Variants in LRMDA observed in about 807,000 individuals in gnomAD.
LRMDA encodes the protein leucine rich melanocyte differentiation associated.
Under a neutral mutation model 29.8 loss-of-function variants are expected in LRMDA, and 18 were observed. The observed-to-expected ratio is 0.60, with a 90% CI of 0.42 to 0.90. The LOEUF is 0.90. Ranked by LOEUF, LRMDA falls within the 40% of genes least tolerant of loss-of-function variation. LRMDA has a pLI of 0.00. For synonymous variants in LRMDA, 125 were observed against 109.4 expected, an observed-to-expected ratio of 1.14 and a Z score of -0.89; for missense variants, 273 against 273.9, an observed-to-expected ratio of 1.00 and a Z score of 0.02.
At chr10:75,848,313 C>A (rs1844675657) in intron 2 of LRMDA, among the ~76,000 whole-genome samples, 1 of 152,198 alleles carries the variant, frequency 6.6e-6, no homozygotes, top group East Asian at 1.9e-4. Flanking sequence ...AGGACAAATA[C>A]TGTATGATTC....
At chr10:76,112,344 C>T (rs551198649) in intron 5 of LRMDA, among the ~76,000 whole-genome samples, 81 of 152,320 alleles carry the variant, frequency 5.3e-4, no homozygotes, top group Middle Eastern at 6.8e-3. Context: ...CAGCTCCCTG[C>T]TTATCGCTAA....
chr10:76,061,303 G>A (rs1848698110), intron 5 of LRMDA, among the ~76,000 whole-genome samples: 1 of 152,130 alleles, frequency 6.6e-6, no homozygotes, highest in Admixed American at 6.5e-5. Flanking sequence ...TTACTTACAG[G>A]TAGAAGCTAA....
At chr10:75,716,186 C>T (rs1381328390) in intron 2 of LRMDA, among the ~76,000 whole-genome samples, 1 of 152,186 alleles carries the variant, frequency 6.6e-6, no homozygotes, top group African/African-American at 2.4e-5. Context: ...TTAATCTAGT[C>T]TACCTCCATT....
At chr10:75,924,796 T>A (rs112825301) in intron 2 of LRMDA, among the ~76,000 whole-genome samples, 1 of 150,116 alleles carries the variant, frequency 6.7e-6, no homozygotes, top group Non-Finnish European at 1.5e-5. Flanking sequence ...GGGAAGGAGG[T>A]GGGGGAGGCT....
chr10:75,710,596 T>C (rs1192213531), intron 2 of LRMDA, among the ~76,000 whole-genome samples: 1 of 152,220 alleles, frequency 6.6e-6, no homozygotes, highest in Non-Finnish European at 1.5e-5. Flanking sequence ...TTTTTGCTGC[T>C]GCCTTTTTCC....
At chr10:76,038,190 C>A (rs1410390387) in intron 3 of LRMDA, among the ~76,000 whole-genome samples, 1 of 152,146 alleles carries the variant, frequency 6.6e-6, no homozygotes, top group African/African-American at 2.4e-5. Context: ...AGCGGTGTGA[C>A]CTTGGACAAG....
intron 5 of LRMDA, among the ~76,000 whole-genome samples, chr10:76,205,222 C>T (rs376500721): frequency 1.3e-5 from 2 of 152,104 alleles, no homozygotes; most frequent in African/African-American, 2.4e-5. Flanking sequence ...TTGTTGGACC[C>T]GGAAGAGCAT....
At chr10:75,915,120 CTTTTTTTTTTTTT>C (rs71024579) in intron 2 of LRMDA, among the ~76,000 whole-genome samples, 11 of 75,220 alleles carry the variant, frequency 1.5e-4, no homozygotes, top group African/African-American at 2.2e-4. Flanking sequence ...GTCTAACCTT[CTTTTTTTTTTTTT>C]TTTTTTTTTT....
chr10:75,660,247 A>G (rs962923641), intron 2 of LRMDA, among the ~76,000 whole-genome samples: 2 of 152,080 alleles, frequency 1.3e-5, no homozygotes, highest in African/African-American at 4.8e-5. Context: ...TGCTGACTCT[A>G]TTTTTTCTTG....
intron 5 of LRMDA, among the ~76,000 whole-genome samples, chr10:76,105,112 C>T (rs966317554): frequency 2.6e-5 from 4 of 152,316 alleles, no homozygotes; most frequent in African/African-American, 9.6e-5. Flanking sequence ...ATCACCTTGG[C>T]AGCCAAGGGC....
At chr10:75,493,498 A>T (rs1167319771) in intron 2 of LRMDA, among the ~76,000 whole-genome samples, 1 of 152,032 alleles carries the variant, frequency 6.6e-6, no homozygotes, top group African/African-American at 2.4e-5. Flanking sequence ...GACACACAGG[A>T]TGGGCCACCA....
intron 2 of LRMDA, among the ~76,000 whole-genome samples, chr10:75,801,038 G>A (rs996602877): frequency 6.6e-6 from 1 of 152,314 alleles, no homozygotes; most frequent in Middle Eastern, 3.4e-3. Context: ...TCCTTCAGGA[G>A]TTTTCATGCA....
chr10:75,625,709 C>A (rs1478400069), intron 2 of LRMDA, among the ~76,000 whole-genome samples: 2 of 152,130 alleles, frequency 1.3e-5, no homozygotes, highest in Non-Finnish European at 2.9e-5. Context: ...TAAAATACTT[C>A]AATAGTTACT....
chr10:76,172,853 T>C (rs572681964), intron 5 of LRMDA, among the ~76,000 whole-genome samples: 5 of 152,166 alleles, frequency 3.3e-5, no homozygotes, highest in Admixed American at 6.5e-5. Context: ...AATAAAACAC[T>C]TCACAAATAT....
intron 5 of LRMDA, among the ~76,000 whole-genome samples, chr10:76,087,435 C>A (rs1421217958): frequency 6.6e-6 from 1 of 152,180 alleles, no homozygotes; most frequent in Non-Finnish European, 1.5e-5. Context: ...TTCTGCATAG[C>A]GTAAGCTTTT....
intron 2 of LRMDA, among the ~76,000 whole-genome samples, chr10:75,494,462 A>G (rs909940678): frequency 1.3e-5 from 2 of 150,508 alleles, no homozygotes; most frequent in Non-Finnish European, 1.5e-5. Flanking sequence ...GTTCAATTGC[A>G]TAGGATAGAT....
intron 6 of LRMDA, among the ~76,000 whole-genome samples, chr10:76,532,095 T>C (rs1843239993): frequency 6.6e-6 from 1 of 152,120 alleles, no homozygotes; most frequent in Non-Finnish European, 1.5e-5. Flanking sequence ...GTTACATAGG[T>C]ATACGCGTGC....
In LRMDA at chr10:76,382,984, C is replaced by A. The variant is rs181470611; in HGVS notation, c.601+58499C>A. On this transcript the variant is annotated intron_variant, in intron 6 of 6. Coordinates refer to ENST00000611255, the MANE Select transcript of LRMDA (RefSeq NM_001305581.2). ...ATTACAGTTCAGCACAGAGAAAGGA[C>A]AATTACTGTTTTTAGTGGGTTTTAT... 2.6e-5 allele frequency among the ~76,000 whole-genome samples: 4 copies of A among 152,318 alleles called. No homozygotes were observed. In the East Asian group the frequency reaches 7.7e-4, roughly 29 times the overall value.
chr10:76,322,119 G>GCACTGCC (rs1417886735), intron 5 of LRMDA, among the ~76,000 whole-genome samples: 1 of 152,202 alleles, frequency 6.6e-6, no homozygotes, highest in Non-Finnish European at 1.5e-5. Flanking sequence ...TACGATGGGT[G>GCACTGCC]TACTGCCTCA....
Sources: gnomAD v4.1 joint callset for allele counts (sites outside exome capture counted in the v4.1 genomes callset) on GRCh38, gnomAD v4.1.1 for gene constraint, MANE v1.5 for transcripts, NCBI Gene and HGNC (gene_info 2026-07-23, HGNC 2026-07-21) for gene names.